Variants in PCDHA2 observed in about 807,000 individuals in gnomAD.
PCDHA2 encodes the protein protocadherin alpha 2.
A neutral mutation model predicts 66.0 loss-of-function variants in PCDHA2; 58 were observed. The observed-to-expected ratio is 0.88, with a 90% CI of 0.71 to 1.09. The LOEUF (loss-of-function observed/expected upper bound fraction) is 1.09, where lower values mean the gene tolerates loss of function less well. Ranked by LOEUF, PCDHA2 falls within the 50% of genes least tolerant of loss-of-function variation. The probability of loss-of-function intolerance (pLI) is 0.00; values close to 1 mark genes in which losing one functional copy is unlikely to be tolerated. For missense variants in PCDHA2, 1,267 were observed against 1,242.3 expected, an observed-to-expected ratio of 1.02 and a Z score of -0.30; for synonymous variants, 634 against 554.0, an observed-to-expected ratio of 1.14 and a Z score of -2.03.
At chr5:140,882,601 C>G (rs1322989069) in intron 1 of PCDHA2, 1 of 1,614,144 alleles carries the variant, frequency 6.2e-7, no homozygotes, top group Admixed American at 1.7e-5. Flanking sequence ...TGATCGTGGA[C>G]AGGCCTCTGC....
Position 140,877,726 on chromosome 5 carries a change from C to G in PCDHA2, c.2388+80374C>G, listed in dbSNP as rs781814794. On this transcript the variant is annotated intron_variant, in intron 1 of 3. Coordinates refer to ENST00000526136, the MANE Select transcript of PCDHA2 (RefSeq NM_018905.3). ...CGCCGTGGGGAGTTGGTCTTACTCGCAGCAGAGGAGGCAGAGGGTGTGCTC... is the reference window on the plus strand; with the variant it reads ...CGCCGTGGGGAGTTGGTCTTACTCGGAGCAGAGGAGGCAGAGGGTGTGCTC... 30 of 1,614,056 alleles carry G rather than the reference C, an allele frequency of 1.9e-5. No homozygotes were observed. In the African/African-American group the frequency reaches 3.7e-4, roughly 20 times the overall value.
chr5:140,807,591 C>G (rs1482430512), intron 1 of PCDHA2: 2 of 1,614,028 alleles, frequency 1.2e-6, no homozygotes, highest in South Asian at 1.1e-5. Flanking sequence ...GTGTTCCCAG[C>G]AACACAAAAG....
intron 1 of PCDHA2, chr5:140,870,784 G>T (rs374163229): frequency 3.1e-6 from 5 of 1,613,574 alleles, no homozygotes; most frequent in Non-Finnish European, 4.2e-6. Context: ...GAACGACAAC[G>T]CGCCGGCACT....
At chr5:140,984,597 T>TA (rs1554246418) in intron 3 of PCDHA2, among the ~76,000 whole-genome samples, 1 of 152,182 alleles carries the variant, frequency 6.6e-6, no homozygotes, top group East Asian at 1.9e-4. Flanking sequence ...TTTCAATACA[T>TA]ACCTCTGCAT....
chr5:140,808,148 G>C (rs782479156), intron 1 of PCDHA2: 10 of 1,614,026 alleles, frequency 6.2e-6, no homozygotes, highest in African/African-American at 1.3e-5. Flanking sequence ...AATTATTGTA[G>C]AGGGCATTGA....
At chr5:140,880,663 G>A (rs1324939406) in intron 1 of PCDHA2, among the ~76,000 whole-genome samples, 1 of 152,210 alleles carries the variant, frequency 6.6e-6, no homozygotes, top group African/African-American at 2.4e-5. Flanking sequence ...AGGTAAAGGT[G>A]AGAGTAAATT....
intron 1 of PCDHA2, chr5:140,821,910 C>A: frequency 6.2e-7 from 1 of 1,614,236 alleles, no homozygotes; most frequent in Non-Finnish European, 8.5e-7. Flanking sequence ...CCTTCGTTGG[C>A]CGCATCGCGC....
At chr5:140,836,568 G>A (rs2150264277) in intron 1 of PCDHA2, 2 of 1,613,778 alleles carry the variant, frequency 1.2e-6, no homozygotes, top group Non-Finnish European at 1.7e-6. Context: ...GCCGTCCTCT[G>A]AGGGCGCATG....
chr5:140,894,790 T>G lies in PCDHA2; in HGVS notation c.2389-84159T>G, dbSNP rs943284227. On this transcript the variant is annotated intron_variant, in intron 1 of 3. Coordinates refer to ENST00000526136, the MANE Select transcript of PCDHA2 (RefSeq NM_018905.3). ...TCCTTTAGTGTAATTATTTGTCCTC[T>G]CCTTTAAAAATAATTTTATATCAGA... Among the ~76,000 whole-genome samples, 13 of 152,282 alleles carry G rather than the reference T, an allele frequency of 8.5e-5. No individual in the cohort carries two copies. The South Asian group carries it at 2.5e-3, about 29-fold the overall frequency.
At chr5:140,830,279 G>A (rs2150184149) in intron 1 of PCDHA2, 1 of 1,613,822 alleles carries the variant, frequency 6.2e-7, no homozygotes, top group Non-Finnish European at 8.5e-7. Flanking sequence ...ACCCACCGAG[G>A]GCGCGTGCAC....
At chr5:140,803,354 T>A in intron 1 of PCDHA2, 1 of 1,614,184 alleles carries the variant, frequency 6.2e-7, no homozygotes, top group South Asian at 1.1e-5. Context: ...TGCTATATAC[T>A]GCTCTGCGGT....
intron 1 of PCDHA2, among the ~76,000 whole-genome samples, chr5:140,934,289 T>C (rs1584800076): frequency 6.6e-6 from 1 of 152,138 alleles, no homozygotes; most frequent in East Asian, 1.9e-4. Flanking sequence ...AGGGCATTCT[T>C]ACTGGTATTT....
chr5:141,008,540 T>C (rs1435875214), intron 3 of PCDHA2, among the ~76,000 whole-genome samples: 2 of 152,190 alleles, frequency 1.3e-5, no homozygotes, highest in African/African-American at 4.8e-5. Context: ...ATGTCTTTTA[T>C]TGAAAACTCC....
intron 3 of PCDHA2, among the ~76,000 whole-genome samples, chr5:140,990,310 C>A (rs1371432693): frequency 3.9e-5 from 6 of 152,110 alleles, no homozygotes; most frequent in African/African-American, 1.2e-4. Context: ...CTGTAAAAAA[C>A]CAACCAAACA....
chr5:140,855,629 G>A (rs914411692), intron 1 of PCDHA2, among the ~76,000 whole-genome samples: 2 of 149,486 alleles, frequency 1.3e-5, no homozygotes, highest in Non-Finnish European at 3.0e-5. Flanking sequence ...TTTGAAATTC[G>A]GCTATTGATA....
chr5:140,817,711 G>T (rs2150098839), intron 1 of PCDHA2: 2 of 151,906 alleles, frequency 1.3e-5, no homozygotes, highest in African/African-American at 4.8e-5. Flanking sequence ...TCATTGTTTT[G>T]TTAACACCTA....
intron 1 of PCDHA2, chr5:140,835,485 G>A (rs371322976): frequency 6.2e-7 from 1 of 1,613,896 alleles, no homozygotes; most frequent in Non-Finnish European, 8.5e-7. Flanking sequence ...ACCAGGTACC[G>A]TCATCACATT....
chr5:140,871,302 G>T lies in PCDHA2; in HGVS notation c.2388+73950G>T, dbSNP rs2052939724. ...CGCCCACTGAGGGCGCGTGCGCGCCGGGGAAGCCCACGCTGGTGTGCTCCC... is the reference window on the plus strand; with the variant it reads ...CGCCCACTGAGGGCGCGTGCGCGCCTGGGAAGCCCACGCTGGTGTGCTCCC... On this transcript the variant is annotated intron_variant, in intron 1 of 3. Coordinates refer to ENST00000526136, the MANE Select transcript of PCDHA2 (RefSeq NM_018905.3). 1.9e-6 allele frequency: 3 copies of T among 1,613,974 alleles called. 1 individual carries two copies. Among genetic ancestry groups the T allele is most frequent in the South Asian group, 2.2e-5 (2 of 91,078 alleles).
At chr5:140,892,021 G>T (rs2063355611) in intron 1 of PCDHA2, among the ~76,000 whole-genome samples, 1 of 152,160 alleles carries the variant, frequency 6.6e-6, no homozygotes, top group Non-Finnish European at 1.5e-5. Context: ...AGCACAAATG[G>T]TCTAAGATAC....
Sources: allele counts gnomAD v4.1 joint callset (sites outside exome capture counted in the v4.1 genomes callset), GRCh38; gene constraint gnomAD v4.1.1; transcripts MANE v1.5; gene names NCBI Gene and HGNC (gene_info 2026-07-23, HGNC 2026-07-21).